CLEC2L: variants seen among roughly 807,000 people sequenced by gnomAD.
CLEC2L encodes the protein C-type lectin domain family 2, member L.
CLEC2L carries 14 observed loss-of-function variants against 23.6 expected under a neutral mutation model. The ratio of observed to expected loss-of-function variants is 0.59; its 90% confidence interval spans 0.39 to 0.93. CLEC2L has a LOEUF of 0.93. Ranked by LOEUF, CLEC2L falls within the 40% of genes least tolerant of loss-of-function variation. The pLI, the probability that CLEC2L is intolerant of heterozygous loss-of-function variation, is 0.00. For missense variants in CLEC2L, 264 were observed against 282.4 expected, an observed-to-expected ratio of 0.93 and a Z score of 0.47; for synonymous variants, 114 against 121.3, an observed-to-expected ratio of 0.94 and a Z score of 0.40.
intron 1 of CLEC2L, among the ~76,000 whole-genome samples, chr7:139,530,313 T>C (rs567535052): frequency 6.6e-6 from 1 of 152,270 alleles, no homozygotes; most frequent in African/African-American, 2.4e-5. Flanking sequence ...GTAACTGACT[T>C]CACCCCATCT....
Position 139,542,038 on chromosome 7 carries a change from C to A in CLEC2L, c.450C>A (p.Phe150Leu). The change falls in exon 4 of 5, where the codon TTC (phenylalanine) becomes TTA (leucine). Residue 150 changes from phenylalanine to leucine, a missense_variant. Phe to Leu is a conservative substitution (Grantham distance 22). Coordinates refer to ENST00000422142, the MANE Select transcript of CLEC2L (RefSeq NM_001080511.4). ...SQKELEFMFKFTRREPWIGLR... is the reference protein window; with the variant it reads ...SQKELEFMFKLTRREPWIGLR... ...CGGTGCAGGAATTTATGTTCAAGTT[C>A]ACGCGGAGGGAGCCCTGGATTGGAC... is the stretch of plus-strand genomic sequence containing the variant. 2 of 1,612,306 alleles carry A rather than the reference C, an allele frequency of 1.2e-6. No homozygotes were observed. Among genetic ancestry groups the A allele is most frequent in the South Asian group, 1.1e-5 (1 of 90,510 alleles).
At position 139,539,177 on chromosome 7, in the gene CLEC2L, G is replaced by A. The variant is rs1797701569; in HGVS notation, c.266-1144G>A. 6.6e-6 allele frequency: 1 copy of A among 152,192 alleles called. No individual in the cohort carries two copies. Among genetic ancestry groups the A allele is most frequent in the African/African-American group, 2.4e-5 (1 of 41,444 alleles). 9.4% of individuals were successfully genotyped at this position (152,192 alleles called of 1,614,324 possible). Reference sequence around the variant, plus strand: ...AACAAAAAGTATGCTTATGGAATTTGCAGCTGACAAAATCCAAAAACACAA... The same window carrying A: ...AACAAAAAGTATGCTTATGGAATTTACAGCTGACAAAATCCAAAAACACAA... On this transcript the variant is annotated intron_variant, in intron 2 of 4. Coordinates refer to ENST00000422142, the MANE Select transcript of CLEC2L (RefSeq NM_001080511.4). This position sits in a 1 kb window ranked among gnomAD's most constrained non-coding sequence, Gnocchi z 4.1.
chr7:139,540,292 G>GGGGGGGGGGGGGGGC lies in CLEC2L; in HGVS notation c.266-29_266-28insGGGGGGGGGGGGGGC. 4.3e-6 allele frequency: 4 copies of GGGGGGGGGGGGGGGC among 928,602 alleles called. No homozygotes were observed. The highest frequency in any genetic ancestry group is 6.4e-6 in the Non-Finnish European group (4 of 628,318). 57.5% of individuals were successfully genotyped at this position (928,602 alleles called of 1,614,324 possible). A position where few individuals can be genotyped will look rare whatever the true frequency, so the allele number is the denominator to read the frequency against. ...AGTGGGACTCGGGCTGGGGGGGCGG[G>GGGGGGGGGGGGGGGC]CAGGGCCGAGCTGGTCTCTTCCCTG... On this transcript the variant is annotated intron_variant, in intron 2 of 4. Transcript: ENST00000422142. The surrounding 1 kb of genome is among the most constrained non-coding windows in gnomAD (Gnocchi z 5.8).
At chr7:139,524,609 A>G (rs960918791) in intron 1 of CLEC2L, among the ~76,000 whole-genome samples, 1 of 152,180 alleles carries the variant, frequency 6.6e-6, no homozygotes, top group African/African-American at 2.4e-5. Context: ...TGGAGAATCC[A>G]GGAGAGGCTC....
At chr7:139,534,385 C>G (rs1797623194) in intron 1 of CLEC2L, 1 of 935,062 alleles carries the variant, frequency 1.1e-6, no homozygotes, top group East Asian at 2.4e-5. Flanking sequence ...AACAGTCCCT[C>G]TATCAAATAT....
chr7:139,524,233 C>A, intron 1 of CLEC2L, 116 bp downstream of exon 1: 1 of 974,786 alleles, frequency 1.0e-6, no homozygotes, highest in Non-Finnish European at 1.2e-6. Flanking sequence ...GCGCTGGGAG[C>A]GCGGCGCCGG....
Position 139,523,891 on chromosome 7 carries a change from T to C in CLEC2L, c.-37T>C, listed in dbSNP as rs1797465786. 1.0e-6 allele frequency: 1 copy of C among 977,782 alleles called. No individual in the cohort carries two copies. The highest frequency in any genetic ancestry group is 4.7e-5 in the South Asian group (1 of 21,248). The allele number at this position is 977,782 out of a possible 1,614,324, so 60.6% of individuals were successfully genotyped here. On this transcript the variant is annotated 5_prime_UTR_variant, in exon 1 of 5. Coordinates refer to ENST00000422142, the MANE Select transcript of CLEC2L (RefSeq NM_001080511.4). This position sits in a 1 kb window ranked among gnomAD's most constrained non-coding sequence, Gnocchi z 4.1. ...CGTCGGGCTGGGCCCCGCACCCCGG[T>C]GCAGGAGCGCGGGCGCGGCGCGGCG...
chr7:139,544,477 C>A lies in CLEC2L; in HGVS notation c.*135C>A, dbSNP rs1797781033. ...GGGTGCGTGGCCTCCGCCCCAGGCC[C>A]CTCTCCCAGGCCCTGGCGCTCTGAG... On this transcript the variant is annotated 3_prime_UTR_variant, in exon 5 of 5. Transcript: ENST00000422142. 4 of 628,888 alleles carry A rather than the reference C, an allele frequency of 6.4e-6. No homozygotes were observed. The highest frequency in any genetic ancestry group is 1.1e-5 in the Non-Finnish European group (4 of 359,688). 39.0% of individuals were successfully genotyped at this position (628,888 alleles called of 1,614,324 possible). A position where few individuals can be genotyped will look rare whatever the true frequency, so the allele number is the denominator to read the frequency against.
At chr7:139,542,532 G>A (rs779759845) in intron 4 of CLEC2L, among the ~76,000 whole-genome samples, 8 of 152,342 alleles carry the variant, frequency 5.3e-5, no homozygotes, top group East Asian at 1.9e-4. Context: ...TCACATGGCC[G>A]CACCTGGCCG....
At chr7:139,543,934 C>T (rs1468461928) in intron 4 of CLEC2L, among the ~76,000 whole-genome samples, 1 of 152,140 alleles carries the variant, frequency 6.6e-6, no homozygotes, top group Non-Finnish European at 1.5e-5. Flanking sequence ...GAACTGGGTG[C>T]CATGGAGCCT....
chr7:139,533,436 A>G (rs977415051), intron 1 of CLEC2L, among the ~76,000 whole-genome samples: 20 of 152,252 alleles, frequency 1.3e-4, no homozygotes, highest in African/African-American at 4.1e-4. Context: ...GCTCACTGCA[A>G]CCTCCGCCTC....
chr7:139,543,356 G>T (rs1186545998), intron 4 of CLEC2L, among the ~76,000 whole-genome samples: 2 of 152,170 alleles, frequency 1.3e-5, no homozygotes, highest in East Asian at 3.9e-4. Flanking sequence ...GAAGCTTCTT[G>T]CTCTCAGAGC....
At chr7:139,538,430 CA>C (rs34520005) in intron 2 of CLEC2L, among the ~76,000 whole-genome samples, 3,600 of 98,022 alleles carry the variant, frequency 0.037, 156 homozygotes, top group African/African-American at 0.12. Flanking sequence ...GACTCTGTCT[CA>C]AAAAAAAAAA....
At chr7:139,541,911 G>T in intron 3 of CLEC2L, 110 bp from the exon 4 acceptor site, 2 of 735,638 alleles carry the variant, frequency 2.7e-6, no homozygotes, top group African/African-American at 1.8e-5. Flanking sequence ...CTCTCCTGGC[G>T]TCTGTACATC....
intron 2 of CLEC2L, 150 bp downstream of exon 2, chr7:139,536,498 T>C (rs1237673723): frequency 4.4e-6 from 3 of 687,394 alleles, no homozygotes; most frequent in Non-Finnish European, 7.5e-6. Context: ...TTGTTGAGAG[T>C]TCAGCTTAAA....
intron 4 of CLEC2L, among the ~76,000 whole-genome samples, chr7:139,543,968 A>G (rs1370242930): frequency 2.0e-5 from 3 of 152,290 alleles, no homozygotes; most frequent in Non-Finnish European, 2.9e-5. Context: ...CGACCCTGCA[A>G]GGACATTGAG....
intron 4 of CLEC2L, among the ~76,000 whole-genome samples, chr7:139,543,879 C>T (rs1393430674): frequency 6.6e-6 from 1 of 152,170 alleles, no homozygotes; most frequent in Admixed American, 6.5e-5. Flanking sequence ...CCCCACAGAG[C>T]AGGCAGGGGA....
chr7:139,527,153 G>C (rs1246555214), intron 1 of CLEC2L, among the ~76,000 whole-genome samples: 2 of 152,188 alleles, frequency 1.3e-5, no homozygotes, highest in Admixed American at 6.5e-5. Context: ...CCCCTTGCAG[G>C]GGGGCTGGTG....
chr7:139,523,873 C>A lies in CLEC2L; in HGVS notation c.-55C>A. On this transcript the variant is annotated 5_prime_UTR_variant, in exon 1 of 5. The change creates a new upstream start codon in the 5' untranslated region. Transcript: ENST00000422142. This position sits in a 1 kb window ranked among gnomAD's most constrained non-coding sequence, Gnocchi z 4.1. ...CGCGGAGCGCCGAGTGCGCGTCGGG[C>A]TGGGCCCCGCACCCCGGTGCAGGAG... 1.0e-6 allele frequency: 1 copy of A among 975,748 alleles called. No individual in the cohort carries two copies. Among genetic ancestry groups the A allele is most frequent in the Non-Finnish European group, 1.2e-6 (1 of 824,144 alleles). 60.4% of individuals were successfully genotyped at this position (975,748 alleles called of 1,614,324 possible).
Sources: gnomAD v4.1 joint callset for allele counts (sites outside exome capture counted in the v4.1 genomes callset) on GRCh38, gnomAD v4.1.1 for gene constraint, Gnocchi (gnomAD v3.1) non-coding constraint, MANE v1.5 for transcripts, NCBI Gene and HGNC (gene_info 2026-07-23, HGNC 2026-07-21) for gene names.